NPC1: variants seen among roughly 807,000 people sequenced by gnomAD.
NPC1 encodes Niemann-Pick C1 protein.
In NPC1, 85 loss-of-function variants were observed where a neutral mutation model predicts 140.4. That is an observed-to-expected ratio of 0.61 (90% CI 0.51 to 0.72). The LOEUF is 0.72. Among genes scored for constraint, NPC1 ranks in the 30% least tolerant of loss-of-function variants. The pLI is 0.00. For missense variants in NPC1, 1,504 were observed against 1,623.8 expected (o/e 0.93, Z 1.27); for synonymous variants, 656 against 624.8 (o/e 1.05, Z -0.74).
chr18:23,548,933 G>A (rs2058828188), intron 10 of NPC1, among the ~76,000 whole-genome samples: 1 of 151,804 alleles, frequency 6.6e-6, no homozygotes, highest in Non-Finnish European at 1.5e-5. Context: ...GGGACTAAAG[G>A]TGTGCACCAC....
rs781154071 is a variant in NPC1 at position 23,538,654 on chromosome 18, C to T, written c.2929G>A (p.Val977Ile). Residue 977 changes from valine to isoleucine, a missense_variant, in exon 20 of 25, where the codon GTT becomes ATT. Transcript: ENST00000269228. ...CNASVVDPACVRCRPLTPEGK... is the reference protein window; with the variant it reads ...CNASVVDPACIRCRPLTPEGK... The stretch of plus-strand genomic sequence containing the variant: ...TCCGGAGTCAGAGGCCTGCAGCGAA[C>T]GCAGGCAGGGTCAACCACTGGCGGA... The T allele has an allele frequency of 1.7e-5, 27 of 1,613,910 alleles. No individual in the cohort carries two copies. The highest frequency in any genetic ancestry group is 5.0e-5 in the Admixed American group (3 of 59,994).
Position 23,560,208 on chromosome 18 carries a change from GGAT to G in NPC1, c.881+20_881+22del. On this transcript the variant is annotated intron_variant, in intron 6 of 24. Coordinates refer to ENST00000269228, the MANE Select transcript of NPC1 (RefSeq NM_000271.5). ...TGGGCAATTTTGCTCTTTTTGCCCT[GGAT>G]GACAAACAAAACTGCTTACCTGTAG... is the stretch of plus-strand genomic sequence containing the variant. The G allele has an allele frequency of 6.2e-7, 1 of 1,613,788 alleles. No homozygotes were observed. Among genetic ancestry groups the G allele is most frequent in the Non-Finnish European group, 8.5e-7 (1 of 1,179,924 alleles).
chr18:23,554,607 A>G (rs1444217340), intron 9 of NPC1, 151 bp downstream of exon 9: 1 of 60,360 alleles, frequency 1.7e-5, no homozygotes, highest in African/African-American at 2.6e-4. Context: ...CCCTGTCTCA[A>G]AAAAAAAAAA....
At chr18:23,573,343 C>T (rs145644482) in intron 2 of NPC1, 109 bp downstream of exon 2, 210 of 1,452,144 alleles carry the variant, frequency 1.4e-4, no homozygotes, top group Non-Finnish European at 1.9e-4. Context: ...AAGACTTAAG[C>T]CTGTTAGTCT....
chr18:23,555,545 G>A (rs1187182827), intron 8 of NPC1, among the ~76,000 whole-genome samples: 1 of 152,212 alleles, frequency 6.6e-6, no homozygotes, highest in African/African-American at 2.4e-5. Flanking sequence ...TTTCAAGATT[G>A]CAGACTTTCT....
chr18:23,576,653 G>A, intron 1 of NPC1: 1 of 211,856 alleles, frequency 4.7e-6, no homozygotes, highest in Non-Finnish European at 8.2e-6. Flanking sequence ...CTGATGTTCA[G>A]ATGTTTTCGG....
chr18:23,510,267 G>A (rs2057817732), intron 3 of NPC1, among the ~76,000 whole-genome samples: 1 of 151,706 alleles, frequency 6.6e-6, no homozygotes, highest in African/African-American at 2.4e-5. Flanking sequence ...GGAGGTTGCA[G>A]TGAGCCAAGA....
intron 22 of NPC1, among the ~76,000 whole-genome samples, chr18:23,534,917 C>T (rs906117310): frequency 3.3e-5 from 5 of 152,142 alleles, no homozygotes; most frequent in South Asian, 2.1e-4. Flanking sequence ...TCTGAGAGTA[C>T]GGATACACTG....
intron 4 of NPC1, among the ~76,000 whole-genome samples, chr18:23,563,378 T>C (rs190176158): frequency 6.6e-6 from 1 of 152,322 alleles, no homozygotes; most frequent in Admixed American, 6.5e-5. Flanking sequence ...GTCTTGTGAG[T>C]GGAACTGATG....
rs2059419381 is a variant in NPC1 at position 23,586,378 on chromosome 18, G to A, written c.-35C>T. 2 of 1,530,820 alleles carry A rather than the reference G, an allele frequency of 1.3e-6. No homozygotes were observed. The highest frequency in any genetic ancestry group is 1.7e-6 in the Non-Finnish European group (2 of 1,145,136). The allele number at this position is 1,530,820 out of a possible 1,614,324, so 94.8% of individuals were successfully genotyped here. A position where few individuals can be genotyped will look rare whatever the true frequency, so the allele number is the denominator to read the frequency against. ...GCGCAAGGCTGCTGACGCCGGCGGC[G>A]TTCGGCTGGTTGGGCTCCCCGGAGG... On this transcript the variant is annotated 5_prime_UTR_variant, in exon 1 of 25. The change creates a new upstream start codon in the 5' untranslated region. Coordinates refer to ENST00000269228, the MANE Select transcript of NPC1 (RefSeq NM_000271.5).
rs767400384 is a variant in NPC1, at chr18:23,532,266, G to A, written c.3773C>T (p.Ala1258Val). ...LSYIGPSVNK[A>V]KSCATEERYK... ...TCGCTCTTCAGTGGCACAACTTTTG[G>A]CTTTATTTACTGATGGCCCTATGAG... The change falls in exon 25 of 25, where the codon GCC becomes GTC. Residue 1258 changes from alanine to valine, a missense_variant. Transcript: ENST00000269228. 4 of 1,614,082 alleles carry A rather than the reference G, an allele frequency of 2.5e-6. 1 individual carries two copies. The highest frequency in any genetic ancestry group is 1.3e-5 in the African/African-American group (1 of 75,012).
At chr18:23,516,307 T>A (rs748049630) in intron 3 of NPC1, 2 of 1,613,446 alleles carry the variant, frequency 1.2e-6, no homozygotes, top group Non-Finnish European at 1.7e-6. Flanking sequence ...TAAAACATTT[T>A]CCCCCTAAAC....
chr18:23,579,687 G>C (rs547902642), intron 1 of NPC1, among the ~76,000 whole-genome samples: 1 of 152,150 alleles, frequency 6.6e-6, no homozygotes, highest in African/African-American at 2.4e-5. Context: ...TCAGGAGATC[G>C]AGACCATCCT....
At chr18:23,532,799 C>CTA in intron 24 of NPC1, 1 of 828,632 alleles carries the variant, frequency 1.2e-6, no homozygotes, top group Non-Finnish European at 1.5e-6. Context: ...TCTTAATCTT[C>CTA]TACTTCAGTG....
In NPC1 at chr18:23,572,306, TG is replaced by T. The variant is rs2145545641; in HGVS notation, c.181-127del. The T allele has an allele frequency of 4.4e-6, 3 of 687,742 alleles. No individual in the cohort carries two copies. The South Asian group carries it at 4.5e-5, about 10-fold the overall frequency. 42.6% of individuals were successfully genotyped at this position (687,742 alleles called of 1,614,324 possible). ...AAGTACAAAAGGGTAAGACACATCCTGTATTTGCAAAGTTATTATAGAATTA... is the reference window on the plus strand; with the variant it reads ...AAGTACAAAAGGGTAAGACACATCCTTATTTGCAAAGTTATTATAGAATTA... On this transcript the variant is annotated intron_variant, in intron 2 of 24. Transcript: ENST00000269228.
In NPC1 at chr18:23,544,944, C is replaced by CCCG. The variant is rs1555634624; in HGVS notation, c.1947+15_1947+16insCGG. ...CTGTTAACCTCTAGAACATACACCA[C>CCCG]CCCCCCCCGGCTTACCAGAAGCCTG... On this transcript the variant is annotated intron_variant, in intron 12 of 24. Transcript: ENST00000269228. The CCCG allele has an allele frequency of 1.8e-5, 15 of 850,776 alleles. 1 individual carries two copies. Among genetic ancestry groups the CCCG allele is most frequent in the Middle Eastern group, 2.7e-4 (1 of 3,724 alleles). 52.7% of individuals were successfully genotyped at this position (850,776 alleles called of 1,614,324 possible). A position where few individuals can be genotyped will look rare whatever the true frequency, so the allele number is the denominator to read the frequency against.
intron 4 of NPC1, among the ~76,000 whole-genome samples, chr18:23,563,179 A>G (rs904694627): frequency 1.3e-5 from 2 of 152,226 alleles, no homozygotes; most frequent in Non-Finnish European, 2.9e-5. Context: ...CTCAAGGTTC[A>G]TGCATATTGT....
At chr18:23,580,085 G>C (rs1460555648) in intron 1 of NPC1, among the ~76,000 whole-genome samples, 1 of 152,048 alleles carries the variant, frequency 6.6e-6, no homozygotes, top group Non-Finnish European at 1.5e-5. Context: ...TTGTTCTCGA[G>C]GCATGGCAGT....
intron 24 of NPC1, 40 bp downstream of exon 24, chr18:23,533,315 T>C: frequency 6.4e-7 from 1 of 1,569,424 alleles, no homozygotes; most frequent in African/African-American, 1.3e-5. Flanking sequence ...TTCAGTAATG[T>C]CCTTCTATTG....
Sources: gnomAD v4.1 joint callset for allele counts (sites outside exome capture counted in the v4.1 genomes callset) on GRCh38, gnomAD v4.1.1 for gene constraint, MANE v1.5 for transcripts, NCBI Gene and HGNC (gene_info 2026-07-23, HGNC 2026-07-21) for gene names.